The following MOXD1 variants were observed in gnomAD, a reference collection of about 807,000 sequenced individuals.
MOXD1 encodes the protein monooxygenase DBH like 1, also known as DBH-like monooxygenase protein 1.
In MOXD1, 62 loss-of-function variants were observed where a neutral mutation model predicts 66.6. The ratio of observed to expected loss-of-function variants is 0.93; its 90% confidence interval spans 0.76 to 1.15. The LOEUF (loss-of-function observed/expected upper bound fraction) is 1.15, where lower values mean the gene tolerates loss of function less well. Ranked by LOEUF, MOXD1 falls within the 50% of genes most tolerant of loss-of-function variation. MOXD1 has a pLI of 0.00. For missense variants in MOXD1, 847 were observed against 754.6 expected (o/e 1.12, Z -1.44); for synonymous variants, 303 against 281.9 (o/e 1.07, Z -0.75).
At chr6:132,352,325 G>C (rs756757324) in intron 4 of MOXD1, among the ~76,000 whole-genome samples, 1 of 152,002 alleles carries the variant, frequency 6.6e-6, no homozygotes, top group Non-Finnish European at 1.5e-5. Flanking sequence ...ATTTTGATAG[G>C]TTGTGTCATT....
chr6:132,311,417 T>C (rs1408390396), intron 10 of MOXD1, among the ~76,000 whole-genome samples: 1 of 151,398 alleles, frequency 6.6e-6, no homozygotes, highest in African/African-American at 2.4e-5. Flanking sequence ...ATAATAATTA[T>C]AATATAAATA....
chr6:132,398,768 G>A (rs965431595), intron 1 of MOXD1, among the ~76,000 whole-genome samples: 1 of 151,568 alleles, frequency 6.6e-6, no homozygotes, highest in Non-Finnish European at 1.5e-5. Flanking sequence ...GGTGAAACCC[G>A]GTCCCTACTA....
At chr6:132,342,706 TCA>T (rs1439896820) in intron 4 of MOXD1, among the ~76,000 whole-genome samples, 5 of 152,366 alleles carry the variant, frequency 3.3e-5, no homozygotes, top group African/African-American at 1.2e-4. Flanking sequence ...TTCCAGCATT[TCA>T]CAGAGTCAAA....
intron 1 of MOXD1, among the ~76,000 whole-genome samples, chr6:132,389,621 A>G (rs1370770560): frequency 6.6e-6 from 1 of 151,538 alleles, no homozygotes; most frequent in Non-Finnish European, 1.5e-5. Flanking sequence ...TCTCCAAGTG[A>G]TTCTAATGTG....
At chr6:132,398,773 C>G (rs762507091) in intron 1 of MOXD1, among the ~76,000 whole-genome samples, 8 of 151,446 alleles carry the variant, frequency 5.3e-5, no homozygotes, top group Non-Finnish European at 1.2e-4. Context: ...AACCCGGTCC[C>G]TACTAAAATA....
intron 10 of MOXD1, among the ~76,000 whole-genome samples, chr6:132,313,862 C>A (rs1427852228): frequency 6.6e-6 from 1 of 152,162 alleles, no homozygotes; most frequent in East Asian, 1.9e-4. Flanking sequence ...TTGCAGTGAG[C>A]TGAGATCGCG....
intron 4 of MOXD1, among the ~76,000 whole-genome samples, chr6:132,370,352 G>A (rs1170831038): frequency 6.6e-6 from 1 of 151,966 alleles, no homozygotes; most frequent in Non-Finnish European, 1.5e-5. Context: ...TCTTGAATAA[G>A]TTGCAAATGA....
chr6:132,327,450 A>C (rs1775213092), intron 6 of MOXD1, among the ~76,000 whole-genome samples: 1 of 152,224 alleles, frequency 6.6e-6, no homozygotes, highest in Non-Finnish European at 1.5e-5. Context: ...ACTTCTGTTG[A>C]TAATTTCGTG....
chr6:132,386,424 AAAACAAAAC>A (rs1364981261), intron 1 of MOXD1, among the ~76,000 whole-genome samples: 2 of 144,390 alleles, frequency 1.4e-5, no homozygotes, highest in Admixed American at 6.9e-5. Flanking sequence ...AAAACAAAAC[AAAACAAAAC>A]AAAAAAAAAA....
At chr6:132,395,074 C>T (rs1278413344) in intron 1 of MOXD1, among the ~76,000 whole-genome samples, 1 of 152,018 alleles carries the variant, frequency 6.6e-6, no homozygotes, top group East Asian at 1.9e-4. Context: ...CATCAAGTCA[C>T]TTATAAAGGT....
rs202053368 is a variant in MOXD1 at position 132,297,852 on chromosome 6, T to C, written c.1612A>G (p.Asn538Asp). The stretch of plus-strand genomic sequence containing the variant: ...ACTGGCAGGCTGAGGACCAGCTTGT[T>C]GAAGGAGAGACCTTCCTTTTTAGTC... Reference protein sequence around the residue: ...KWTKKEGLSFNKLVLSLPVNV... With the variant: ...KWTKKEGLSFDKLVLSLPVNV... The change falls in exon 11 of 12, where the codon AAC (asparagine) becomes GAC (aspartate). Residue 538 changes from asparagine to aspartate, a missense_variant. Physicochemically the swap from Asn to Asp is conservative, Grantham distance 23. Transcript: ENST00000367963. The C allele has an allele frequency of 1.4e-4, 231 of 1,613,438 alleles. 1 individual carries two copies. The highest frequency in any genetic ancestry group is 1.9e-4 in the Non-Finnish European group (230 of 1,179,684).
Position 132,372,857 on chromosome 6 carries a change from T to C in MOXD1, c.552A>G (p.Leu184=), listed in dbSNP as rs1200266783. The C allele has an allele frequency of 4.3e-6, 7 of 1,613,924 alleles. No individual in the cohort carries two copies. Among genetic ancestry groups the C allele is most frequent in the Non-Finnish European group, 5.9e-6 (7 of 1,179,928 alleles). Residue 184 remains leucine (L), a synonymous_variant, in exon 3 of 12, where the codon TTA becomes TTG. Coordinates refer to ENST00000367963, the MANE Select transcript of MOXD1 (RefSeq NM_015529.4). ...PEKTSVLSTA[L]PYFDLVNQDV... Reference sequence around the variant, plus strand: ...CCTGATTTACCAGATCAAAGTATGGTAAGGCTGTAGATAGCACACTAGTTT... The same window carrying C: ...CCTGATTTACCAGATCAAAGTATGGCAAGGCTGTAGATAGCACACTAGTTT...
At chr6:132,337,162 T>C (rs1000652794) in intron 4 of MOXD1, among the ~76,000 whole-genome samples, 1 of 152,230 alleles carries the variant, frequency 6.6e-6, no homozygotes, top group Non-Finnish European at 1.5e-5. Flanking sequence ...ACTCAAGTTT[T>C]CCTCTTAATA....
chr6:132,302,391 A>C (rs1369296600), intron 10 of MOXD1, among the ~76,000 whole-genome samples: 1 of 152,186 alleles, frequency 6.6e-6, no homozygotes, highest in African/African-American at 2.4e-5. Flanking sequence ...GTAAATGTGA[A>C]TCTAAACTAG....
chr6:132,335,764 C>G (rs1775423627), intron 4 of MOXD1, among the ~76,000 whole-genome samples: 1 of 152,180 alleles, frequency 6.6e-6, no homozygotes, highest in Non-Finnish European at 1.5e-5. Context: ...CTACCACAAA[C>G]TAAAAATTTG....
intron 4 of MOXD1, among the ~76,000 whole-genome samples, chr6:132,354,186 T>G (rs1458624787): frequency 6.6e-6 from 1 of 152,218 alleles, no homozygotes; most frequent in African/African-American, 2.4e-5. Flanking sequence ...TTGGATCGAT[T>G]GCTGGTGAGC....
rs560081252 is a variant in MOXD1 at position 132,328,149 on chromosome 6, A to G, written c.844-34T>C. 55 of 1,563,416 alleles carry G rather than the reference A, an allele frequency of 3.5e-5. No homozygotes were observed. The East Asian group carries it at 4.0e-4, about 11-fold the overall frequency. ...GGAAAATGCCATGAGACAATGTCCT[A>G]TGAAAGTCCCTGAGAGCTCTATTCC... On this transcript the variant is annotated intron_variant, in intron 5 of 11. Transcript: ENST00000367963.
At position 132,322,680 on chromosome 6, in the gene MOXD1, G is replaced by A. The variant is rs761684521; in HGVS notation, c.1304C>T (p.Pro435Leu). ...GAAAAAGAACAAAAACATGCATACT[G>A]GTAAGATTGTTTGTTCTTCCTTTAG... ...QYLKEEQTIL[P>L]GDNLITECRY... is the part of the protein sequence containing the mutation. Residue 435 changes from proline (P) to leucine (L), a missense_variant and splice_region_variant, in exon 8 of 12, where the codon CCA becomes CTA. Physicochemically the swap from Pro to Leu is moderately conservative, Grantham distance 98. Transcript: ENST00000367963. 1 of 1,612,232 alleles carries A rather than the reference G, an allele frequency of 6.2e-7. No individual in the cohort carries two copies. Among genetic ancestry groups the A allele is most frequent in the Non-Finnish European group, 8.5e-7 (1 of 1,179,000 alleles).
At chr6:132,361,303 C>T (rs1277493657) in intron 4 of MOXD1, among the ~76,000 whole-genome samples, 5 of 149,614 alleles carry the variant, frequency 3.3e-5, no homozygotes, top group Non-Finnish European at 7.4e-5. Context: ...GGTGTTTTTG[C>T]CTCTCCATTT....
Sources: allele counts gnomAD v4.1 joint callset (sites outside exome capture counted in the v4.1 genomes callset), GRCh38; gene constraint gnomAD v4.1.1; transcripts MANE v1.5; gene names NCBI Gene and HGNC (gene_info 2026-07-23, HGNC 2026-07-21).